The following RUFY4 variants were observed in gnomAD, a reference collection of about 807,000 sequenced individuals.
RUFY4 encodes RUN and FYVE domain containing 4, also known as RUN and FYVE domain-containing protein 4.
RUFY4 carries 73 observed loss-of-function variants against 69.0 expected under a neutral mutation model. The observed-to-expected ratio is 1.06, with a 90% confidence interval of 0.88 to 1.29. The LOEUF (loss-of-function observed/expected upper bound fraction) is 1.29. Among genes scored for constraint, RUFY4 ranks in the 50% most tolerant of loss-of-function variants. The pLI, the probability that RUFY4 is intolerant of heterozygous loss-of-function variation, is 0.00. For missense variants in RUFY4, 770 were observed against 705.6 expected (o/e 1.09, Z -1.03); for synonymous variants, 287 against 271.8 (o/e 1.06, Z -0.55).
intron 2 of RUFY4, among the ~76,000 whole-genome samples, chr2:218,040,316 C>T (rs929160454): frequency 5.9e-5 from 9 of 152,066 alleles, no homozygotes; most frequent in Non-Finnish European, 1.0e-4. Context: ...AGGGAGGTGT[C>T]GTCTGACTTG....
chr2:218,037,643 G>A (rs1277118548), intron 2 of RUFY4, among the ~76,000 whole-genome samples: 1 of 152,236 alleles, frequency 6.6e-6, no homozygotes, highest in African/African-American at 2.4e-5. Flanking sequence ...AACCAAGGCA[G>A]ACTTCAGACT....
chr2:218,054,677 G>T (rs988074141), intron 2 of RUFY4, among the ~76,000 whole-genome samples: 1 of 152,022 alleles, frequency 6.6e-6, no homozygotes, highest in Non-Finnish European at 1.5e-5. Context: ...TTGATTACAT[G>T]AAATTGAATA....
chr2:218,082,318 C>T (rs1689778747), intron 8 of RUFY4, among the ~76,000 whole-genome samples: 1 of 152,216 alleles, frequency 6.6e-6, no homozygotes, highest in Admixed American at 6.5e-5. Flanking sequence ...CACTGCTCCC[C>T]TTCCACACAC....
chr2:218,062,553 T>C (rs539764336), intron 3 of RUFY4, among the ~76,000 whole-genome samples: 1 of 151,146 alleles, frequency 6.6e-6, no homozygotes, highest in Non-Finnish European at 1.5e-5. Flanking sequence ...TCTACTAAAC[T>C]ACAAAAAATT....
At chr2:218,034,975 A>G (rs1271324729), upstream of RUFY4, 1 of 152,420 alleles carries the variant, frequency 6.6e-6, no homozygotes, top group Non-Finnish European at 1.5e-5. Context: ...GGAAACTAGC[A>G]GCAGTCCCAG....
chr2:218,062,223 C>A (rs894032039), intron 3 of RUFY4, among the ~76,000 whole-genome samples: 23 of 152,002 alleles, frequency 1.5e-4, no homozygotes, highest in African/African-American at 5.5e-4. Flanking sequence ...CATGGTGAAA[C>A]CCCGTCTCTA....
rs1310065543 is a variant in RUFY4 at position 218,083,102 on chromosome 2, G to A, written c.1356-8G>A. On this transcript the variant is annotated splice_polypyrimidine_tract_variant and splice_region_variant and intron_variant, in intron 8 of 10. Coordinates refer to ENST00000344321, the Ensembl canonical transcript of RUFY4. ...CCCCTGAGAACCTAGTCTTCCTTCT[G>A]TACCCAGGTGTCAGGAAGAGAGAGC... The A allele has an allele frequency of 1.2e-6, 2 of 1,612,528 alleles. No individual in the cohort carries two copies. The highest frequency in any genetic ancestry group is 3.3e-5 in the Admixed American group (2 of 59,976).
rs567704513 is a variant in RUFY4, at chr2:218,039,698, C to T, written c.-1158+4304C>T. Among the ~76,000 whole-genome samples the T allele has an allele frequency of 9.2e-5, 14 of 152,286 alleles. No homozygotes were observed. The South Asian group carries it at 1.7e-3, about 18-fold the overall frequency. On this transcript the variant is annotated intron_variant and NMD_transcript_variant, in intron 2 of 13. Transcript: ENST00000457754. ...GAGATGGGGGGAGCAGTGACCTTGACCCCAGCTCTTCCATTCATGGACTGC... is the reference window on the plus strand; with the variant it reads ...GAGATGGGGGGAGCAGTGACCTTGATCCCAGCTCTTCCATTCATGGACTGC...
rs1239650787 is a variant in RUFY4 at position 218,073,393 on chromosome 2, G to A, written c.530+7G>A. 16 of 1,589,264 alleles carry A rather than the reference G, an allele frequency of 1.0e-5. No individual in the cohort carries two copies. The highest frequency in any genetic ancestry group is 1.2e-5 in the Non-Finnish European group (14 of 1,167,668). ...CCTGGCCCATGTTCTCAGAGTGAGT[G>A]GGTGCAGCCAGGAGAGAAGTCTCTT... On this transcript the variant is annotated splice_region_variant and intron_variant, in intron 5 of 10. Coordinates refer to ENST00000344321, the Ensembl canonical transcript of RUFY4.
intron 9 of RUFY4, among the ~76,000 whole-genome samples, chr2:218,085,824 G>A (rs1010170508): frequency 2.0e-5 from 3 of 152,174 alleles, no homozygotes; most frequent in African/African-American, 7.2e-5. Context: ...GTTGTAGCAG[G>A]TAGCTCCCTG....
At chr2:218,073,479 GC>G in intron 5 of RUFY4, 93 bp downstream of exon 7, 1 of 1,495,548 alleles carries the variant, frequency 6.7e-7, no homozygotes, top group Non-Finnish European at 9.1e-7. Context: ...TCAGCCTCCA[GC>G]CCCATCTGTC....
At chr2:218,036,106 C>T (rs935015082) in intron 2 of RUFY4, among the ~76,000 whole-genome samples, 1 of 152,212 alleles carries the variant, frequency 6.6e-6, no homozygotes, top group Non-Finnish European at 1.5e-5. Flanking sequence ...CCTCTCTGTG[C>T]CCCAGGTTCC....
chr2:218,052,105 G>A (rs529576298), intron 2 of RUFY4, among the ~76,000 whole-genome samples: 9 of 152,246 alleles, frequency 5.9e-5, no homozygotes, highest in Admixed American at 5.9e-4. Flanking sequence ...ATACGTCACT[G>A]CCTCCTGCTC....
intron 10 of RUFY4, 92 bp downstream of exon 12, chr2:218,089,454 G>C: frequency 9.4e-7 from 1 of 1,059,234 alleles, no homozygotes; most frequent in Non-Finnish European, 1.4e-6. Context: ...GAGGGACACA[G>C]GAACTGGGTG....
intron 2 of RUFY4, among the ~76,000 whole-genome samples, chr2:218,049,660 C>T (rs1178799619): frequency 6.6e-6 from 1 of 152,096 alleles, no homozygotes; most frequent in Non-Finnish European, 1.5e-5. Flanking sequence ...GCATGCGCCA[C>T]CACAGCTGGC....
At chr2:218,061,371 A>G in intron 3 of RUFY4, 1 of 225,328 alleles carries the variant, frequency 4.4e-6, no homozygotes, top group East Asian at 1.1e-4. Flanking sequence ...TCCACTGAAG[A>G]TGTCTTCCCA....
chr2:218,064,305 C>G (rs1206208738), upstream of RUFY4, among the ~76,000 whole-genome samples: 3 of 152,102 alleles, frequency 2.0e-5, no homozygotes, highest in Non-Finnish European at 1.5e-5. Flanking sequence ...GTGCTGGCTC[C>G]CAGCTCTGGT....
chr2:218,060,793 G>A (rs1191471382), intron 3 of RUFY4: 2 of 1,580,796 alleles, frequency 1.3e-6, no homozygotes, highest in East Asian at 2.2e-5. Flanking sequence ...ATCCGTAACA[G>A]CATCCACCAG....
In RUFY4 at chr2:218,083,272, G is replaced by A. The variant is rs1248904522; in HGVS notation, c.1502+16G>A. The stretch of plus-strand genomic sequence containing the variant: ...AACTGATCCAGTAAGGACGGGGACA[G>A]TGGGAAAGGGGAAACAGATGGGGGA... On this transcript the variant is annotated intron_variant, in intron 9 of 10. Transcript: ENST00000344321. The A allele has an allele frequency of 6.4e-7, 1 of 1,568,234 alleles. No homozygotes were observed. The highest frequency in any genetic ancestry group is 8.7e-7 in the Non-Finnish European group (1 of 1,153,518).
Sources: gnomAD v4.1 joint callset for allele counts (sites outside exome capture counted in the v4.1 genomes callset) on GRCh38, gnomAD v4.1.1 for gene constraint, MANE v1.5 for transcripts, NCBI Gene and HGNC (gene_info 2026-07-23, HGNC 2026-07-21) for gene names.